ESPL1: variants seen among roughly 807,000 people sequenced by gnomAD.
ESPL1 encodes the protein separin.
Under a neutral mutation model 217.2 loss-of-function variants are expected in ESPL1, and 50 were observed. That is an observed-to-expected ratio of 0.23 (90% CI 0.18 to 0.29). The LOEUF (loss-of-function observed/expected upper bound fraction) is 0.29, where lower values mean the gene tolerates loss of function less well. Among genes scored for constraint, ESPL1 ranks in the 10% least tolerant of loss-of-function variants. The pLI is 1.00. For synonymous variants in ESPL1, 994 were observed against 1,081.3 expected (o/e 0.92, Z 1.58); for missense variants, 1,834 against 2,603.0 (o/e 0.70, Z 6.43).
Position 53,277,591 on chromosome 12 carries a change from A to G in ESPL1, c.2207A>G (p.Asn736Ser). The G allele has an allele frequency of 1.2e-6, 2 of 1,614,152 alleles. No individual in the cohort carries two copies. Among genetic ancestry groups the G allele is most frequent in the Non-Finnish European group, 8.5e-7 (1 of 1,180,004 alleles). Residue 736 changes from asparagine to serine, a missense_variant, in exon 10 of 31, where the codon AAC (asparagine) becomes AGC (serine). By Grantham distance (46) the Asn-to-Ser change is conservative. Coordinates refer to ENST00000257934, the MANE Select transcript of ESPL1 (RefSeq NM_012291.5). ...TTCCTATACAGTAACATTGCCTTCA[A>G]CCTGGCTGCAGATGCTGGTGAGGGG... ...DRFLYSNIAF[N>S]LAADAAQSKC...
At chr12:53,270,235 A>G (rs1943644606) in intron 3 of ESPL1, 143 bp from the exon 4 acceptor site, 1 of 932,236 alleles carries the variant, frequency 1.1e-6, no homozygotes, top group Admixed American at 2.0e-5. Context: ...AGCCTAGTCT[A>G]TCCTGAGAGG....
At chr12:53,270,844 A>C in intron 5 of ESPL1, 46 bp downstream of exon 5, 1 of 1,609,348 alleles carries the variant, frequency 6.2e-7, no homozygotes, top group Non-Finnish European at 8.5e-7. Context: ...GAGGGTCATC[A>C]CCCATTAGGC....
chr12:53,279,127 G>T, intron 11 of ESPL1, among the ~76,000 whole-genome samples: 1 of 152,194 alleles, frequency 6.6e-6, no homozygotes, highest in East Asian at 1.9e-4. Flanking sequence ...CTGATCTCAG[G>T]TGACCCGTCT....
chr12:53,281,199 G>A (rs184983592), intron 12 of ESPL1, among the ~76,000 whole-genome samples: 11 of 141,020 alleles, frequency 7.8e-5, no homozygotes, highest in South Asian at 2.3e-4. Context: ...GTGCAGTGGC[G>A]CGATCTCCAT....
rs945043450 is a variant in ESPL1 at position 53,286,775 on chromosome 12, C to A, written c.4039C>A (p.Pro1347Thr). Residue 1347 changes from proline (P) to threonine (T), a missense_variant, in exon 18 of 31, where the codon CCT becomes ACT. Around this residue, in one of 5 missense-constraint regions of ESPL1, gnomAD observed 681 missense variants for 808.0 expected, o/e 0.84. Transcript: ENST00000257934. This position sits in a 1 kb window ranked among gnomAD's most constrained non-coding sequence, Gnocchi z 5.3. The part of the protein sequence containing the change: ...GLEGRGLPCT[P>T]KPPDRIRQAG... Reference sequence around the variant, plus strand: ...GGAAGGTAGAGGACTGCCCTGCACACCTAAACCCCCAGACCGGATCAGGCA... The same window carrying A: ...GGAAGGTAGAGGACTGCCCTGCACAACTAAACCCCCAGACCGGATCAGGCA... 4.3e-6 allele frequency: 7 copies of A among 1,614,170 alleles called. No individual in the cohort carries two copies. Among genetic ancestry groups the A allele is most frequent in the East Asian group, 4.5e-5 (2 of 44,880 alleles).
At chr12:53,285,010 CAAAAAAA>C (rs546915854) in intron 17 of ESPL1, among the ~76,000 whole-genome samples, 2 of 100,470 alleles carry the variant, frequency 2.0e-5, no homozygotes, top group African/African-American at 3.7e-5. Context: ...GACTCTGACT[CAAAAAAA>C]AAAAAAAAAA....
At chr12:53,283,105 C>T (rs1468538757) in intron 14 of ESPL1, 24 bp from the exon 15 acceptor site, 2 of 1,613,770 alleles carry the variant, frequency 1.2e-6, no homozygotes, top group Non-Finnish European at 1.7e-6. Flanking sequence ...GCATCTTCTC[C>T]CTTTTTCACC....
intron 17 of ESPL1, among the ~76,000 whole-genome samples, chr12:53,284,827 C>A (rs1943918518): frequency 6.6e-6 from 1 of 151,136 alleles, no homozygotes. Flanking sequence ...GCCTGGCCAA[C>A]AAAGTGAAAC....
chr12:53,269,238 G>A lies in ESPL1; in HGVS notation c.296G>A (p.Arg99Gln), dbSNP rs866126676. ...TPQRPPLYLE[R>Q]ILFVLLRNAA... ...CAGCGTCCTCCCCTCTACCTGGAAC[G>A]AATTCTCTTTGTCTTACTGCGGAAT... Residue 99 changes from arginine (R) to glutamine (Q), a missense_variant, in exon 3 of 31, where the codon CGA becomes CAA. By Grantham distance (43) the Arg-to-Gln change is conservative (BLOSUM62 1). Around this residue, in one of 5 missense-constraint regions of ESPL1, gnomAD observed 746 missense variants for 1,077.0 expected, o/e 0.69. Transcript: ENST00000257934. The surrounding 1 kb of genome is among the most constrained non-coding windows in gnomAD (Gnocchi z 6.7). 1 of 1,614,148 alleles carries A rather than the reference G, an allele frequency of 6.2e-7. No homozygotes were observed.
rs750981121 is a variant in ESPL1 at position 53,288,143 on chromosome 12, G to C, written c.4348G>C (p.Gly1450Arg). Residue 1450 changes from glycine to arginine, a missense_variant, in exon 19 of 31, where the codon GGC (glycine) becomes CGC (arginine). Around this residue, in one of 5 missense-constraint regions of ESPL1, gnomAD observed 681 missense variants for 808.0 expected, o/e 0.84. Coordinates refer to ENST00000257934, the MANE Select transcript of ESPL1 (RefSeq NM_012291.5). The stretch of plus-strand genomic sequence containing the variant: ...CCCAGGTAGTGCCCCTGGGAACCCT[G>C]GCCTGAATGGCAGGAGCCGGAGGGC... ...VAPGSAPGNPGLNGRSRRAKK... is the reference protein window; with the variant it reads ...VAPGSAPGNPRLNGRSRRAKK... 1.2e-6 allele frequency: 2 copies of C among 1,613,620 alleles called. No homozygotes were observed. The highest frequency in any genetic ancestry group is 1.1e-5 in the South Asian group (1 of 91,050).
At chr12:53,288,803 C>A in intron 20 of ESPL1, 104 bp downstream of exon 20, 2 of 1,079,126 alleles carry the variant, frequency 1.9e-6, no homozygotes, top group Non-Finnish European at 1.3e-6. Flanking sequence ...GATCCAGTAG[C>A]CTCTGAACCT....
chr12:53,290,937 C>T lies in ESPL1; in HGVS notation c.5461C>T (p.Arg1821Cys). 1.2e-6 allele frequency: 2 copies of T among 1,606,106 alleles called. No homozygotes were observed. Among genetic ancestry groups the T allele is most frequent in the Non-Finnish European group, 1.7e-6 (2 of 1,176,546 alleles). Reference sequence around the variant, plus strand: ...GCCCGGCCCTGCCCAGGAGGCCTCCCGCCTACAGGAGCTGCTACAGGACTG... The same window carrying T: ...GCCCGGCCCTGCCCAGGAGGCCTCCTGCCTACAGGAGCTGCTACAGGACTG... Reference protein sequence around the residue: ...EEPGPAQEASRLQELLQDCGW... With the variant: ...EEPGPAQEASCLQELLQDCGW... The change falls in exon 25 of 31, where the codon CGC (arginine) becomes TGC (cysteine). Residue 1821 changes from arginine to cysteine, a missense_variant. Arg to Cys is a radical substitution (Grantham distance 180). Transcript: ENST00000257934.
Position 53,292,094 on chromosome 12 carries a change from G to A in ESPL1, c.5796+6G>A. On this transcript the variant is annotated splice_donor_region_variant and intron_variant, in intron 27 of 30. Transcript: ENST00000257934. The surrounding 1 kb of genome is among the most constrained non-coding windows in gnomAD (Gnocchi z 4.5). The stretch of plus-strand genomic sequence containing the variant: ...GCTACTCCATCATCAAAGAGGTGGG[G>A]TTCAGGGCGTAGTGTCTGGGGATGA... 1.2e-6 allele frequency: 2 copies of A among 1,608,034 alleles called. No homozygotes were observed.
chr12:53,268,300 G>T lies in ESPL1; in HGVS notation c.-90G>T, dbSNP rs1174812129. 5 of 153,206 alleles carry T rather than the reference G, an allele frequency of 3.3e-5. No homozygotes were observed. Among genetic ancestry groups the T allele is most frequent in the African/African-American group, 1.2e-4 (5 of 41,510 alleles). The allele number at this position is 153,206 out of a possible 1,614,324, so 9.5% of individuals were successfully genotyped here. ...GGAGGGTCTGGCGCGGAAAACGAAGGTTACATTTTGGATCCTCGCGGAGTA... is the reference window on the plus strand; with the variant it reads ...GGAGGGTCTGGCGCGGAAAACGAAGTTTACATTTTGGATCCTCGCGGAGTA... On this transcript the variant is annotated 5_prime_UTR_variant, in exon 1 of 31. Coordinates refer to ENST00000257934, the MANE Select transcript of ESPL1 (RefSeq NM_012291.5).
At position 53,268,744 on chromosome 12, in the gene ESPL1, C is replaced by T. The variant is rs1275074323; in HGVS notation, c.-12-11C>T. 6.4e-7 allele frequency: 1 copy of T among 1,572,498 alleles called. No homozygotes were observed. Among genetic ancestry groups the T allele is most frequent in the Non-Finnish European group, 8.7e-7 (1 of 1,146,730 alleles). The stretch of plus-strand genomic sequence containing the variant: ...TTAACAATCTTCTCTAATTGGTCTC[C>T]TTTTCCCTAGCTCTCCGGTGTCATG... On this transcript the variant is annotated splice_polypyrimidine_tract_variant and intron_variant, in intron 1 of 30. Coordinates refer to ENST00000257934, the MANE Select transcript of ESPL1 (RefSeq NM_012291.5).
rs957586490 is a variant in ESPL1 at position 53,268,820 on chromosome 12, G to T, written c.54G>T (p.Glu18Asp). The change falls in exon 2 of 31, where the codon GAG becomes GAT. Residue 18 changes from glutamate (E) to aspartate (D), a missense_variant. Coordinates refer to ENST00000257934, the MANE Select transcript of ESPL1 (RefSeq NM_012291.5). The part of the protein sequence containing the change: ...NFGTLLSSQK[E>D]AEELLPALKE... ...GGACTCTGCTAAGCAGCCAGAAGGA[G>T]GCTGAAGAGTTGCTGCCCGCCTTGA... is the stretch of plus-strand genomic sequence containing the variant. The T allele has an allele frequency of 1.2e-6, 2 of 1,612,784 alleles. No homozygotes were observed. Among genetic ancestry groups the T allele is most frequent in the Non-Finnish European group, 8.5e-7 (1 of 1,179,646 alleles).
Position 53,286,966 on chromosome 12 carries a change from T to C in ESPL1, c.4176+54T>C, listed in dbSNP as rs900296783. On this transcript the variant is annotated intron_variant, in intron 18 of 30. Coordinates refer to ENST00000257934, the MANE Select transcript of ESPL1 (RefSeq NM_012291.5). The surrounding 1 kb of genome is among the most constrained non-coding windows in gnomAD (Gnocchi z 5.3). ...TGATGGTGTTGGATGGGGTTAGTCC[T>C]GGAGGAGAGTGTTTTATAGAGCAGG... 4.9e-5 allele frequency: 74 copies of C among 1,516,662 alleles called. No individual in the cohort carries two copies. The highest frequency in any genetic ancestry group is 6.1e-5 in the Non-Finnish European group (69 of 1,129,954). The allele number at this position is 1,516,662 out of a possible 1,614,324, so 94.0% of individuals were successfully genotyped here.
intron 11 of ESPL1, 97 bp downstream of exon 11, chr12:53,278,057 C>T: frequency 2.3e-6 from 3 of 1,292,974 alleles, no homozygotes; most frequent in Non-Finnish European, 3.2e-6. Context: ...CCTGAGAAGC[C>T]ATGAAAGCCA....
rs746892608 is a variant in ESPL1 at position 53,279,840 on chromosome 12, A to G, written c.2473A>G (p.Thr825Ala). ...SSCHITQLLLTLGCPSYAQLH... is the reference protein window; with the variant it reads ...SSCHITQLLLALGCPSYAQLH... ...CTGCCACATCACCCAGCTCCTCCTG[A>G]CCCTCGGCTGTCCCAGCTATGCCCA... Residue 825 changes from threonine (T) to alanine (A), a missense_variant, in exon 12 of 31, where the codon ACC becomes GCC. Transcript: ENST00000257934. 6.2e-7 allele frequency: 1 copy of G among 1,605,342 alleles called. No individual in the cohort carries two copies. The highest frequency in any genetic ancestry group is 1.1e-5 in the South Asian group (1 of 90,046).
Sources: gnomAD v4.1 joint callset for allele counts (sites outside exome capture counted in the v4.1 genomes callset) on GRCh38, gnomAD v4.1.1 for gene constraint, gnomAD v4.1.1 regional missense constraint, Gnocchi (gnomAD v3.1) non-coding constraint, MANE v1.5 for transcripts, NCBI Gene and HGNC (gene_info 2026-07-23, HGNC 2026-07-21) for gene names.